The following UNC5D variants were observed in gnomAD, a reference collection of about 807,000 sequenced individuals.
The protein encoded by UNC5D is netrin receptor UNC5D.
A neutral mutation model predicts 105.4 loss-of-function variants in UNC5D; 39 were observed. The observed-to-expected ratio is 0.37, with a 90% CI of 0.29 to 0.48. The LOEUF is 0.48. Ranked by LOEUF, UNC5D falls within the 20% of genes least tolerant of loss-of-function variation. The pLI, the probability that UNC5D is intolerant of heterozygous loss-of-function variation, is 0.98. For synonymous variants in UNC5D, 452 were observed against 450.4 expected (o/e 1.00, Z -0.04); for missense variants, 991 against 1,202.4 (o/e 0.82, Z 2.60).
At position 35,793,933 on chromosome 8, in the gene UNC5D, T is replaced by G. The variant is rs980055677; in HGVS notation, c.*3370T>G. ...AAGGTCTCTGTATTTTTCTTTCAGT[T>G]GTCTTTGGGAGGGGATGTTAAGTCA... On this transcript the variant is annotated 3_prime_UTR_variant, in exon 17 of 17. Coordinates refer to ENST00000404895, the MANE Select transcript of UNC5D (RefSeq NM_080872.4). 7 of 152,162 alleles carry G rather than the reference T, an allele frequency of 4.6e-5. No homozygotes were observed. Among genetic ancestry groups the G allele is most frequent in the Admixed American group, 6.6e-5 (1 of 15,260 alleles). The allele number at this position is 152,162 out of a possible 1,614,324, so 9.4% of individuals were successfully genotyped here. A position where few individuals can be genotyped will look rare whatever the true frequency, so the allele number is the denominator to read the frequency against.
intron 7 of UNC5D, among the ~76,000 whole-genome samples, chr8:35,704,747 G>A (rs549178216): frequency 6.6e-6 from 1 of 152,270 alleles, no homozygotes; most frequent in African/African-American, 2.4e-5. Context: ...GTGGAGTTGT[G>A]TGAGCCTGAG....
chr8:35,251,421 C>T (rs573157760), intron 1 of UNC5D, among the ~76,000 whole-genome samples: 32 of 152,272 alleles, frequency 2.1e-4, no homozygotes, highest in African/African-American at 7.2e-4. Context: ...TCCCACAACA[C>T]GTGGGGATTA....
intron 1 of UNC5D, among the ~76,000 whole-genome samples, chr8:35,312,563 G>A (rs1409351664): frequency 1.3e-5 from 2 of 152,138 alleles, no homozygotes; most frequent in Non-Finnish European, 2.9e-5. Context: ...TGGATACAAG[G>A]ATCTTTTGAA....
rs1202485229 is a variant in UNC5D at position 35,792,836 on chromosome 8, A to T, written c.*2273A>T. On this transcript the variant is annotated 3_prime_UTR_variant, in exon 17 of 17. Transcript: ENST00000404895. ...AATCTACATAGGTCTTTTTTTTTAGATGTTTGATACATTTTAAGTATTTTT... is the reference window on the plus strand; with the variant it reads ...AATCTACATAGGTCTTTTTTTTTAGTTGTTTGATACATTTTAAGTATTTTT... The T allele has an allele frequency of 3.0e-5, 10 of 328,084 alleles. No homozygotes were observed. The highest frequency in any genetic ancestry group is 4.7e-5 in the Non-Finnish European group (8 of 171,596). 20.3% of individuals were successfully genotyped at this position (328,084 alleles called of 1,614,324 possible). A position where few individuals can be genotyped will look rare whatever the true frequency, so the allele number is the denominator to read the frequency against.
At chr8:35,532,271 G>C (rs936630929) in intron 1 of UNC5D, among the ~76,000 whole-genome samples, 4 of 151,578 alleles carry the variant, frequency 2.6e-5, no homozygotes, top group Non-Finnish European at 5.9e-5. Flanking sequence ...GCATTTGCTT[G>C]TCTGTGAAGT....
At chr8:35,741,873 C>T (rs1829780840) in intron 11 of UNC5D, among the ~76,000 whole-genome samples, 1 of 152,090 alleles carries the variant, frequency 6.6e-6, no homozygotes, top group Non-Finnish European at 1.5e-5. Flanking sequence ...CCAGAAATAC[C>T]AAGTCAAAAT....
chr8:35,510,163 C>T (rs1812598631), intron 1 of UNC5D, among the ~76,000 whole-genome samples: 1 of 151,964 alleles, frequency 6.6e-6, no homozygotes. Context: ...CCTTCATTCC[C>T]TCTCTCCTCC....
At chr8:35,583,856 C>G (rs544917522) in intron 3 of UNC5D, among the ~76,000 whole-genome samples, 1 of 152,274 alleles carries the variant, frequency 6.6e-6, no homozygotes, top group African/African-American at 2.4e-5. Context: ...AAATTGCCTT[C>G]TATGGAACTT....
rs190199887 is a variant in UNC5D at position 35,401,112 on chromosome 8, C to G, written c.104-148180C>G. ...TCCTCTTACAAAAGAAGGTAAAATA[C>G]TCATAATTAAAAAGGAAACAGTCCA... On this transcript the variant is annotated intron_variant, in intron 1 of 16. Coordinates refer to ENST00000404895, the MANE Select transcript of UNC5D (RefSeq NM_080872.4). 1.6e-3 allele frequency among the ~76,000 whole-genome samples: 238 copies of G among 152,160 alleles called. 2 individuals carry two copies. Among genetic ancestry groups the G allele is most frequent in the Non-Finnish European group, 2.3e-3 (154 of 67,998 alleles).
At position 35,794,853 on chromosome 8, in the gene UNC5D, T is replaced by C. The variant is rs1803194693; in HGVS notation, c.*4290T>C. ...GACATTGAAATGGCAACTTGTACAC[T>C]GTAATTCTTCGAAAAGTAACAGGGG... On this transcript the variant is annotated 3_prime_UTR_variant, in exon 17 of 17. Coordinates refer to ENST00000404895, the MANE Select transcript of UNC5D (RefSeq NM_080872.4). 2.0e-5 allele frequency: 3 copies of C among 152,202 alleles called. No individual in the cohort carries two copies. The highest frequency in any genetic ancestry group is 2.0e-4 in the Admixed American group (3 of 15,262). The allele number at this position is 152,202 out of a possible 1,614,324, so 9.4% of individuals were successfully genotyped here.
intron 4 of UNC5D, among the ~76,000 whole-genome samples, chr8:35,677,673 A>C (rs986508468): frequency 1.2e-4 from 18 of 152,142 alleles, no homozygotes. Flanking sequence ...ATGAATAAAA[A>C]AACAGTTCCA....
At chr8:35,621,373 C>G (rs973391985) in intron 4 of UNC5D, among the ~76,000 whole-genome samples, 1 of 152,156 alleles carries the variant, frequency 6.6e-6, no homozygotes, top group Non-Finnish European at 1.5e-5. Flanking sequence ...CTAGCATGTA[C>G]TAGGCACTCA....
chr8:35,409,414 GTTGTTTGT>G lies in UNC5D; in HGVS notation c.104-139871_104-139864del, dbSNP rs879314948. ...GGTGTTGTCAGCTTTTGCTTTTGTT[GTTGTTTGT>G]TTGTTTTCATTTTATCCTTCTAATA... On this transcript the variant is annotated intron_variant, in intron 1 of 16. Coordinates refer to ENST00000404895, the MANE Select transcript of UNC5D (RefSeq NM_080872.4). 8.8e-3 allele frequency among the ~76,000 whole-genome samples: 1,342 copies of G among 151,974 alleles called. 22 individuals carry two copies. Among genetic ancestry groups the G allele is most frequent in the South Asian group, 0.078 (373 of 4,796 alleles).
At position 35,779,735 on chromosome 8, in the gene UNC5D, C is replaced by T. The variant is rs375835020; in HGVS notation, c.2657+5258C>T. On this transcript the variant is annotated intron_variant, in intron 16 of 16. Transcript: ENST00000404895. ...CCTCCCAAAGTGCTGAGATTACAGG[C>T]GTGTGCCACCATGCCTAGCCAGGAG... Among the ~76,000 whole-genome samples the T allele has an allele frequency of 8.5e-5, 13 of 152,270 alleles. No individual in the cohort carries two copies. The South Asian group carries it at 1.9e-3, about 22-fold the overall frequency.
At chr8:35,332,367 G>A (rs1810691251) in intron 1 of UNC5D, among the ~76,000 whole-genome samples, 1 of 152,150 alleles carries the variant, frequency 6.6e-6, no homozygotes, top group Non-Finnish European at 1.5e-5. Context: ...AAATATTCCA[G>A]GCTCCACTGA....
At chr8:35,574,309 C>G (rs1430644594) in intron 3 of UNC5D, among the ~76,000 whole-genome samples, 2 of 152,142 alleles carry the variant, frequency 1.3e-5, no homozygotes, top group Non-Finnish European at 2.9e-5. Context: ...CTGTTTTAGT[C>G]AAGCCTGTTA....
intron 1 of UNC5D, among the ~76,000 whole-genome samples, chr8:35,449,470 T>C (rs778152203): frequency 6.6e-6 from 1 of 152,176 alleles, no homozygotes; most frequent in Non-Finnish European, 1.5e-5. Flanking sequence ...GCCCCATGCA[T>C]TTAGCATCTT....
At chr8:35,410,674 G>T (rs1223881975) in intron 1 of UNC5D, among the ~76,000 whole-genome samples, 1 of 152,024 alleles carries the variant, frequency 6.6e-6, no homozygotes, top group Non-Finnish European at 1.5e-5. Context: ...AGCTACTCAG[G>T]TTGAACTGAG....
At chr8:35,787,258 T>C (rs1055459251) in intron 16 of UNC5D, among the ~76,000 whole-genome samples, 3 of 152,200 alleles carry the variant, frequency 2.0e-5, no homozygotes, top group African/African-American at 7.2e-5. Flanking sequence ...TGATAGCAAA[T>C]ACAAAATGTA....
Sources: allele counts gnomAD v4.1 joint callset (sites outside exome capture counted in the v4.1 genomes callset), GRCh38; gene constraint gnomAD v4.1.1; transcripts MANE v1.5; gene names NCBI Gene and HGNC (gene_info 2026-07-23, HGNC 2026-07-21).